TMEM236: variants seen among roughly 807,000 people sequenced by gnomAD.
The protein encoded by TMEM236 is transmembrane protein 236.
Under a neutral mutation model 14.7 loss-of-function variants are expected in TMEM236, and 11 were observed. The ratio of observed to expected loss-of-function variants is 0.75; its 90% CI spans 0.47 to 1.24. The LOEUF is 1.24. Ranked by LOEUF, TMEM236 falls within the 50% of genes most tolerant of loss-of-function variation. TMEM236 has a pLI of 0.00. For missense variants in TMEM236, 464 were observed against 427.3 expected (o/e 1.09, Z -0.76); for synonymous variants, 182 against 168.6 (o/e 1.08, Z -0.62).
chr10:17,762,574 CATATATATATATATATAT>C lies in TMEM236; in HGVS notation c.258-8707_258-8690del, dbSNP rs878958449. On this transcript the variant is annotated intron_variant, in intron 1 of 3. Coordinates refer to ENST00000377495, the MANE Select transcript of TMEM236 (RefSeq NM_001098844.3). Reference sequence around the variant, plus strand: ...GGTATATATTTACCTATCTGAATTTCATATATATATATATATATATATATATATATATATATATATATA... The same window carrying C: ...GGTATATATTTACCTATCTGAATTTCATATATATATATATATATATATATA... 3.4e-3 allele frequency among the ~76,000 whole-genome samples: 182 copies of C among 53,060 alleles called. 5 individuals are homozygous for C. In the East Asian group the frequency reaches 0.042, roughly 12 times the overall value. The allele number at this position is 53,060 out of a possible 152,430, so 34.8% of individuals were successfully genotyped here. A position where few individuals can be genotyped will look rare whatever the true frequency, so the allele number is the denominator to read the frequency against.
chr10:17,766,680 G>T (rs933160064), intron 1 of TMEM236, among the ~76,000 whole-genome samples: 5 of 152,148 alleles, frequency 3.3e-5, no homozygotes, highest in Admixed American at 3.3e-4. Flanking sequence ...TCGCAAAATT[G>T]GCGTTAAGTT....
chr10:17,787,502 A>G (rs782065527), intron 3 of TMEM236, among the ~76,000 whole-genome samples: 18,681 of 152,276 alleles, frequency 0.12, 1,518 homozygotes, highest in Non-Finnish European at 0.18. Flanking sequence ...TACGGGAACC[A>G]GAGTCAATGG....
At chr10:17,760,336 G>T (rs1554833875) in intron 1 of TMEM236, among the ~76,000 whole-genome samples, 1 of 146,332 alleles carries the variant, frequency 6.8e-6, no homozygotes. Context: ...TTTTTCTGTT[G>T]GTATGTCCAT....
intron 3 of TMEM236, among the ~76,000 whole-genome samples, chr10:17,782,479 G>A (rs1564599221): frequency 6.6e-6 from 1 of 151,930 alleles, no homozygotes; most frequent in Non-Finnish European, 1.5e-5. Context: ...TTTTGAGACA[G>A]TCTCACTCTG....
At chr10:17,758,608 A>G (rs1183446120) in intron 1 of TMEM236, among the ~76,000 whole-genome samples, 7 of 152,222 alleles carry the variant, frequency 4.6e-5, no homozygotes, top group Non-Finnish European at 7.3e-5. Flanking sequence ...TAGCATAGCA[A>G]CTGGTCTGTA....
intron 3 of TMEM236, among the ~76,000 whole-genome samples, chr10:17,783,638 C>T (rs903141850): frequency 3.9e-5 from 6 of 152,286 alleles, no homozygotes; most frequent in East Asian, 3.9e-4. Flanking sequence ...GCTCACAGTC[C>T]GTGCAAGCTT....
Position 17,795,956 on chromosome 10 carries a change from C to T in TMEM236, c.508C>T (p.Gln170Ter), listed in dbSNP as rs1440919303. ...TGGACACATCCATTCAACCTCTTTG[C>T]AACACATAAAAACTGTGACGGAGCA... ...ENGHIHSTSL[Q>*]HIKTVTEQVR... Residue 170 changes from glutamine (Q) to a stop codon, truncating the protein, a stop_gained, in exon 4 of 4, where the codon CAA (glutamine) becomes TAA (stop). Coordinates refer to ENST00000377495, the MANE Select transcript of TMEM236 (RefSeq NM_001098844.3). LOFTEE classifies it low-confidence loss of function (END_TRUNC). 1 of 1,613,748 alleles carries T rather than the reference C, an allele frequency of 6.2e-7. No homozygotes were observed. Among genetic ancestry groups the T allele is most frequent in the African/African-American group, 1.3e-5 (1 of 74,856 alleles).
At chr10:17,788,657 C>G (rs71497213) in intron 3 of TMEM236, among the ~76,000 whole-genome samples, 1 of 151,172 alleles carries the variant, frequency 6.6e-6, no homozygotes, top group Admixed American at 6.6e-5. Flanking sequence ...TGTCCTCTGA[C>G]AAAATAATTC....
chr10:17,762,694 G>T (rs994426827), intron 1 of TMEM236, among the ~76,000 whole-genome samples: 3 of 147,450 alleles, frequency 2.0e-5, no homozygotes, highest in African/African-American at 7.5e-5. Context: ...TCGAGACAGG[G>T]TCTTGCTCTG....
intron 3 of TMEM236, among the ~76,000 whole-genome samples, chr10:17,784,153 CACT>C (rs1837798131): frequency 1.3e-5 from 2 of 151,994 alleles, no homozygotes; most frequent in African/African-American, 4.8e-5. Flanking sequence ...GTCTTTTTTT[CACT>C]ACAAGTAAAA....
chr10:17,757,243 G>A (rs1486451885), intron 1 of TMEM236, among the ~76,000 whole-genome samples: 1 of 152,174 alleles, frequency 6.6e-6, no homozygotes, highest in East Asian at 1.9e-4. Flanking sequence ...ACATGCTAAA[G>A]TTCTCATTTT....
chr10:17,795,530 C>A (rs1198422906), intron 3 of TMEM236, among the ~76,000 whole-genome samples: 1 of 152,268 alleles, frequency 6.6e-6, no homozygotes, highest in East Asian at 1.9e-4. Context: ...CAGGAAAATA[C>A]CAAGACACCA....
chr10:17,776,202 A>G, intron 3 of TMEM236, 32 bp downstream of exon 3: 1 of 1,592,832 alleles, frequency 6.3e-7, no homozygotes, highest in Non-Finnish European at 8.6e-7. Flanking sequence ...AATATTTTTT[A>G]AAGTTTGATA....
At chr10:17,793,649 A>AT (rs1554836204) in intron 3 of TMEM236, among the ~76,000 whole-genome samples, 12 of 151,514 alleles carry the variant, frequency 7.9e-5, no homozygotes, top group East Asian at 1.9e-4. Context: ...ACTCCCAGCT[A>AT]TTTTTTTTGT....
chr10:17,790,349 G>A (rs1359124337), intron 3 of TMEM236, among the ~76,000 whole-genome samples: 9 of 152,142 alleles, frequency 5.9e-5, no homozygotes, highest in South Asian at 2.1e-4. Context: ...TGATTGTTGC[G>A]TCTTCCACAA....
At chr10:17,776,549 C>T (rs1837660938) in intron 3 of TMEM236, among the ~76,000 whole-genome samples, 1 of 152,176 alleles carries the variant, frequency 6.6e-6, no homozygotes, top group African/African-American at 2.4e-5. Context: ...GAGACTTTTA[C>T]TACAGGAATT....
At chr10:17,753,434 T>A (rs1198526018) in intron 1 of TMEM236, among the ~76,000 whole-genome samples, 1 of 152,152 alleles carries the variant, frequency 6.6e-6, no homozygotes, top group Non-Finnish European at 1.5e-5. Context: ...GTGTGTGTTG[T>A]TCCCCTCTGT....
intron 1 of TMEM236, among the ~76,000 whole-genome samples, chr10:17,754,704 A>G (rs529597130): frequency 0.13 from 19,820 of 152,128 alleles, 1,419 homozygotes; most frequent in Middle Eastern, 0.15. Context: ...GTACTTCAAT[A>G]ACAATACAGA....
At chr10:17,758,909 TTA>T (rs1837318623) in intron 1 of TMEM236, among the ~76,000 whole-genome samples, 2 of 152,234 alleles carry the variant, frequency 1.3e-5, no homozygotes, top group African/African-American at 4.8e-5. Context: ...TTATGTTTTA[TTA>T]TGTTATGGTT....
Sources: allele counts gnomAD v4.1 joint callset (sites outside exome capture counted in the v4.1 genomes callset), GRCh38; gene constraint gnomAD v4.1.1; transcripts MANE v1.5; gene names NCBI Gene and HGNC (gene_info 2026-07-23, HGNC 2026-07-21).